Variants in LRRC4C observed in about 807,000 individuals in gnomAD.
LRRC4C encodes leucine rich repeat containing 4C.
A neutral mutation model predicts 33.6 loss-of-function variants in LRRC4C; 5 were observed. The observed-to-expected ratio is 0.15, with a 90% CI of 0.08 to 0.31. The LOEUF (loss-of-function observed/expected upper bound fraction) is 0.31. Among genes scored for constraint, LRRC4C ranks in the 10% least tolerant of loss-of-function variants. The pLI, the probability that LRRC4C is intolerant of heterozygous loss-of-function variation, is 1.00. For missense variants in LRRC4C, 560 were observed against 796.7 expected (o/e 0.70, Z 3.58); for synonymous variants, 329 against 302.0 (o/e 1.09, Z -0.93).
intron 1 of LRRC4C, among the ~76,000 whole-genome samples, chr11:41,058,354 G>T (rs889083676): frequency 6.6e-5 from 10 of 152,224 alleles, no homozygotes; most frequent in Non-Finnish European, 1.0e-4. Context: ...ACCTGTAGCT[G>T]CCTGCCCCAC....
rs1411212340 is a variant in LRRC4C at position 41,149,646 on chromosome 11, T to C, written c.-495-215923A>G. On this transcript the variant is annotated intron_variant, in intron 1 of 6. Coordinates refer to ENST00000528697, the MANE Select transcript of LRRC4C (RefSeq NM_001258419.2). ...ACCTACCTGCCTTCCTGGGCACAGA[T>C]AGGATAGATGAAGAAGGGAGAACAG... Among the ~76,000 whole-genome samples, 12 of 151,522 alleles carry C rather than the reference T, an allele frequency of 7.9e-5. No individual in the cohort carries two copies. In the East Asian group the frequency reaches 9.8e-4, roughly 12 times the overall value.
intron 4 of LRRC4C, among the ~76,000 whole-genome samples, chr11:40,309,144 A>G (rs143280368): frequency 1.7e-4 from 26 of 152,358 alleles, no homozygotes; most frequent in African/African-American, 5.8e-4. Flanking sequence ...ATCATCTGAG[A>G]AAGAAACTTG....
intron 1 of LRRC4C, among the ~76,000 whole-genome samples, chr11:41,210,492 T>G (rs1438810382): frequency 6.6e-6 from 1 of 152,100 alleles, no homozygotes; most frequent in East Asian, 1.9e-4. Flanking sequence ...GAACTGTGAG[T>G]CCATTAAACC....
At chr11:40,258,616 C>T (rs1441208004) in intron 4 of LRRC4C, among the ~76,000 whole-genome samples, 1 of 152,126 alleles carries the variant, frequency 6.6e-6, no homozygotes, top group African/African-American at 2.4e-5. Context: ...TGGAAAATAG[C>T]AAAAATCCCA....
intron 2 of LRRC4C, among the ~76,000 whole-genome samples, chr11:40,770,276 T>C (rs1034928868): frequency 2.0e-5 from 3 of 152,060 alleles, no homozygotes; most frequent in Non-Finnish European, 4.4e-5. Flanking sequence ...TGGCAGGAGA[T>C]AGGAGTGCAG....
chr11:40,869,345 G>A (rs1190661331), intron 2 of LRRC4C, among the ~76,000 whole-genome samples: 1 of 152,058 alleles, frequency 6.6e-6, no homozygotes, highest in Non-Finnish European at 1.5e-5. Context: ...ATAAGCAGGG[G>A]CAGGAGAGGG....
chr11:41,077,052 A>T (rs544958638), intron 1 of LRRC4C, among the ~76,000 whole-genome samples: 1 of 152,252 alleles, frequency 6.6e-6, no homozygotes, highest in South Asian at 2.1e-4. Flanking sequence ...ACATCCAGGG[A>T]ATGTTATGCA....
rs1015357167 is a variant in LRRC4C, at chr11:40,319,671, C to T, written c.-219G>A. The T allele has an allele frequency of 3.9e-5, 6 of 152,112 alleles. No homozygotes were observed. Among genetic ancestry groups the T allele is most frequent in the Non-Finnish European group, 1.5e-5 (1 of 68,028 alleles). The allele number at this position is 152,112 out of a possible 1,614,324, so 9.4% of individuals were successfully genotyped here. On this transcript the variant is annotated 5_prime_UTR_variant, in exon 4 of 7. Transcript: ENST00000528697. ...ACAGGTATTGATCTTCCTGAGAAAA[C>T]TCAAAGAAGTTTAATAAGTGCTCTG...
At chr11:40,172,405 T>C (rs1860119676) in intron 5 of LRRC4C, among the ~76,000 whole-genome samples, 1 of 152,122 alleles carries the variant, frequency 6.6e-6, no homozygotes, top group African/African-American at 2.4e-5. Flanking sequence ...GCCAGAATGG[T>C]TTTTGAAAAG....
chr11:41,007,262 C>T (rs1025997228), intron 1 of LRRC4C, among the ~76,000 whole-genome samples: 2 of 151,820 alleles, frequency 1.3e-5, no homozygotes, highest in African/African-American at 4.8e-5. Flanking sequence ...GATAAACAGG[C>T]AGTTTAATTT....
At chr11:40,939,491 A>G (rs1330229113) in intron 1 of LRRC4C, among the ~76,000 whole-genome samples, 1 of 152,134 alleles carries the variant, frequency 6.6e-6, no homozygotes, top group Non-Finnish European at 1.5e-5. Context: ...AGTGAAAAAT[A>G]CCTGAATTCA....
intron 1 of LRRC4C, among the ~76,000 whole-genome samples, chr11:40,995,623 T>C (rs1439499497): frequency 6.6e-6 from 1 of 152,202 alleles, no homozygotes; most frequent in Non-Finnish European, 1.5e-5. Flanking sequence ...TTAGATACCA[T>C]ATGTGTTTCT....
chr11:41,299,009 A>G (rs1284292327), intron 1 of LRRC4C, among the ~76,000 whole-genome samples: 1 of 152,140 alleles, frequency 6.6e-6, no homozygotes, highest in Non-Finnish European at 1.5e-5. Flanking sequence ...TTATGTATAT[A>G]TACCACATTT....
chr11:41,164,967 G>A (rs912303168), intron 1 of LRRC4C, among the ~76,000 whole-genome samples: 2 of 152,144 alleles, frequency 1.3e-5, no homozygotes, highest in Non-Finnish European at 2.9e-5. Flanking sequence ...AGGATCGATT[G>A]TATCTTGGGT....
intron 2 of LRRC4C, among the ~76,000 whole-genome samples, chr11:40,829,892 G>A (rs767347451): frequency 9.2e-5 from 14 of 151,974 alleles, no homozygotes; most frequent in Non-Finnish European, 1.9e-4. Context: ...CAGACACAAT[G>A]AGGTGTGTTT....
intron 3 of LRRC4C, chr11:40,446,666 C>A (rs1462997822): frequency 6.6e-6 from 1 of 152,128 alleles, no homozygotes; most frequent in Non-Finnish European, 1.5e-5. Flanking sequence ...GCTCATAGTT[C>A]TACATGGCTG....
chr11:40,948,121 T>A (rs890234846), intron 1 of LRRC4C, among the ~76,000 whole-genome samples: 4 of 152,138 alleles, frequency 2.6e-5, no homozygotes, highest in African/African-American at 7.2e-5. Flanking sequence ...CTGGATTTTC[T>A]CTTATGACTC....
chr11:40,754,512 A>C (rs1948847830), intron 2 of LRRC4C, among the ~76,000 whole-genome samples: 1 of 152,072 alleles, frequency 6.6e-6, no homozygotes, highest in Non-Finnish European at 1.5e-5. Flanking sequence ...CGTCTTGTTG[A>C]GGAGGTGCAG....
chr11:40,795,640 C>T (rs899268693), intron 2 of LRRC4C, among the ~76,000 whole-genome samples: 2 of 152,148 alleles, frequency 1.3e-5, no homozygotes, highest in Non-Finnish European at 2.9e-5. Context: ...GAAATTTTGA[C>T]ATAGGCAGTT....
Sources: gnomAD v4.1 joint callset for allele counts (sites outside exome capture counted in the v4.1 genomes callset) on GRCh38, gnomAD v4.1.1 for gene constraint, MANE v1.5 for transcripts, NCBI Gene and HGNC (gene_info 2026-07-23, HGNC 2026-07-21) for gene names.